The following COL4A3 variants were observed in gnomAD, a reference collection of about 807,000 sequenced individuals.
COL4A3 encodes the protein collagen type IV alpha 3 chain, also known as collagen alpha-3(IV) chain.
COL4A3 carries 135 observed loss-of-function variants against 217.4 expected under a neutral mutation model. The observed-to-expected ratio is 0.62, with a 90% confidence interval of 0.54 to 0.72. The LOEUF (loss-of-function observed/expected upper bound fraction) is 0.72, where lower values mean the gene tolerates loss of function less well. Among genes scored for constraint, COL4A3 ranks in the 30% least tolerant of loss-of-function variants. The probability of loss-of-function intolerance (pLI) is 0.00; values close to 1 mark genes in which losing one functional copy is unlikely to be tolerated. For synonymous variants in COL4A3, 690 were observed against 736.3 expected, an observed-to-expected ratio of 0.94 and a Z score of 1.02; for missense variants, 1,868 against 2,119.9, an observed-to-expected ratio of 0.88 and a Z score of 2.33.
At position 227,251,352 on chromosome 2, in the gene COL4A3, T is replaced by C. The variant is rs2069729078; in HGVS notation, c.626T>C (p.Met209Thr). 1 of 1,613,102 alleles carries C rather than the reference T, an allele frequency of 6.2e-7. No individual in the cohort carries two copies. The change falls in exon 11 of 52, where the codon ATG becomes ACG. Residue 209 changes from methionine (M) to threonine (T), a missense_variant. Physicochemically the swap from Met to Thr is moderately conservative, Grantham distance 81. Transcript: ENST00000396578. ...TTTTTCTAGGGCTTTCCAGGAGCCATGGGACCTAGAGGACCTAAGGTAGAC... is the reference window on the plus strand; with the variant it reads ...TTTTTCTAGGGCTTTCCAGGAGCCACGGGACCTAGAGGACCTAAGGTAGAC... ...PPGFFGFPGA[M>T]GPRGPKGHMG... is the part of the protein sequence containing the mutation.
intron 1 of COL4A3, among the ~76,000 whole-genome samples, chr2:227,236,663 A>ATTTTTTTTT (rs375943584): frequency 6.9e-6 from 1 of 144,658 alleles, no homozygotes. Context: ...GTCAAAACAC[A>ATTTTTTTTT]TTTTTTCTTT....
intron 1 of COL4A3, among the ~76,000 whole-genome samples, chr2:227,203,965 G>A (rs998862205): frequency 6.6e-6 from 1 of 152,088 alleles, no homozygotes; most frequent in East Asian, 1.9e-4. Context: ...ACCAGTACCA[G>A]GGCTTAATAA....
At chr2:227,286,410 G>A (rs566559192) in intron 34 of COL4A3, among the ~76,000 whole-genome samples, 3 of 152,178 alleles carry the variant, frequency 2.0e-5, no homozygotes, top group Admixed American at 1.3e-4. Context: ...CATGAGAATC[G>A]CTTGAACCTG....
chr2:227,208,586 C>G (rs535853145), intron 1 of COL4A3, among the ~76,000 whole-genome samples: 14 of 152,284 alleles, frequency 9.2e-5, no homozygotes, highest in African/African-American at 3.1e-4. Context: ...ACCCGCCAAA[C>G]TATCTTTAAA....
rs774547712 is a variant in COL4A3, at chr2:227,253,678, T to C, written c.765+40T>C. 1.9e-6 allele frequency: 3 copies of C among 1,541,988 alleles called. No homozygotes were observed. The Admixed American group carries it at 5.0e-5, about 26-fold the overall frequency. ...TTATGATTAGTGTTGTGCCTTCCCGTGTCTAGGATGAAGTCCTTGTGACCC... is the reference window on the plus strand; with the variant it reads ...TTATGATTAGTGTTGTGCCTTCCCGCGTCTAGGATGAAGTCCTTGTGACCC... On this transcript the variant is annotated intron_variant, in intron 13 of 51. Coordinates refer to ENST00000396578, the MANE Select transcript of COL4A3 (RefSeq NM_000091.5). The surrounding 1 kb of genome is among the most constrained non-coding windows in gnomAD (Gnocchi z 4.4).
At chr2:227,301,554 T>C (rs2073288023) in intron 43 of COL4A3, among the ~76,000 whole-genome samples, 1 of 152,240 alleles carries the variant, frequency 6.6e-6, no homozygotes, top group South Asian at 2.1e-4. Flanking sequence ...TCTTTGAAAG[T>C]TGCCAATTTG....
In COL4A3 at chr2:227,293,187, T is replaced by A. The variant is rs759060177; in HGVS notation, c.3211-4T>A. 3 of 1,613,932 alleles carry A rather than the reference T, an allele frequency of 1.9e-6. No individual in the cohort carries two copies. The African/African-American group carries it at 4.0e-5, about 22-fold the overall frequency. Reference sequence around the variant, plus strand: ...AATTTTAAAGGTATTTGACTACATTTAAGGGGGATCCAGGACTGCCGGGTG... The same window carrying A: ...AATTTTAAAGGTATTTGACTACATTAAAGGGGGATCCAGGACTGCCGGGTG... On this transcript the variant is annotated splice_polypyrimidine_tract_variant and splice_region_variant and intron_variant, in intron 37 of 51. Coordinates refer to ENST00000396578, the MANE Select transcript of COL4A3 (RefSeq NM_000091.5).
At chr2:227,291,060 A>G in intron 37 of COL4A3, 174 bp downstream of exon 37, 1 of 727,102 alleles carries the variant, frequency 1.4e-6, no homozygotes, top group Non-Finnish European at 2.2e-6. Flanking sequence ...CTTGTCTGTC[A>G]CAGAGCTGTC....
At chr2:227,170,470 A>G (rs765487685) in intron 1 of COL4A3, among the ~76,000 whole-genome samples, 1 of 152,142 alleles carries the variant, frequency 6.6e-6, no homozygotes, top group Non-Finnish European at 1.5e-5. Flanking sequence ...GACATCTTAC[A>G]TGGTGGCAGG....
Position 227,287,975 on chromosome 2 carries a change from G to A in COL4A3, c.2882-1175G>A, listed in dbSNP as rs763544988. Among the ~76,000 whole-genome samples, 4 of 152,348 alleles carry A rather than the reference G, an allele frequency of 2.6e-5. No homozygotes were observed. In the East Asian group the frequency reaches 7.7e-4, roughly 29 times the overall value. On this transcript the variant is annotated intron_variant, in intron 34 of 51. Coordinates refer to ENST00000396578, the MANE Select transcript of COL4A3 (RefSeq NM_000091.5). ...GAATAAGTACATATGCAGGAAAAGA[G>A]CCAAGGGAAGTGAATCTGCTTGAGA... is the stretch of plus-strand genomic sequence containing the variant.
chr2:227,204,579 C>G (rs538826452), intron 1 of COL4A3, among the ~76,000 whole-genome samples: 1 of 152,290 alleles, frequency 6.6e-6, no homozygotes, highest in South Asian at 2.1e-4. Context: ...GACAGGCTAA[C>G]AGAATTCCTT....
chr2:227,184,967 A>C (rs548056787), intron 1 of COL4A3, among the ~76,000 whole-genome samples: 3 of 134,056 alleles, frequency 2.2e-5, no homozygotes, highest in Admixed American at 8.7e-5. Context: ...AGTGGTGTGA[A>C]CTTGGCTCAC....
intron 11 of COL4A3, among the ~76,000 whole-genome samples, chr2:227,251,884 T>C (rs143098311): frequency 0.02 from 2,973 of 151,908 alleles, 88 homozygotes; most frequent in African/African-American, 0.068. Flanking sequence ...GCCTGGCCAA[T>C]GTGATGAAAT....
intron 33 of COL4A3, 76 bp from the exon 34 acceptor site, chr2:227,284,135 A>G (rs1450222338): frequency 1.3e-6 from 2 of 1,582,796 alleles, no homozygotes; most frequent in East Asian, 4.5e-5. Flanking sequence ...GTTTTATAGT[A>G]AGCACTGCCA....
At chr2:227,223,842 C>G (rs930193082) in intron 1 of COL4A3, among the ~76,000 whole-genome samples, 1 of 152,202 alleles carries the variant, frequency 6.6e-6, no homozygotes, top group African/African-American at 2.4e-5. Context: ...CAGCCCCAAT[C>G]AAAGTATTAA....
chr2:227,292,004 A>G (rs1371717223), intron 37 of COL4A3, among the ~76,000 whole-genome samples: 1 of 152,258 alleles, frequency 6.6e-6, no homozygotes, highest in Non-Finnish European at 1.5e-5. Context: ...GGGAAAATCT[A>G]TGGGATCCCA....
At chr2:227,244,611 G>A (rs1345450597) in intron 4 of COL4A3, among the ~76,000 whole-genome samples, 2 of 152,202 alleles carry the variant, frequency 1.3e-5, no homozygotes, top group Non-Finnish European at 2.9e-5. Flanking sequence ...CTGATGAGAT[G>A]ATGGTATATA....
chr2:227,280,836 C>A, intron 30 of COL4A3, 57 bp from the exon 31 acceptor site: 1 of 1,261,814 alleles, frequency 7.9e-7, no homozygotes, highest in Non-Finnish European at 1.1e-6. Flanking sequence ...ACTGGTACAG[C>A]AATACCAAGA....
intron 38 of COL4A3, chr2:227,293,770 G>C (rs1329770519): frequency 2.1e-6 from 1 of 469,810 alleles, no homozygotes. Flanking sequence ...CTGTGATCAA[G>C]CTGTCGGCAG....
Sources: gnomAD v4.1 joint callset for allele counts (sites outside exome capture counted in the v4.1 genomes callset) on GRCh38, gnomAD v4.1.1 for gene constraint, Gnocchi (gnomAD v3.1) non-coding constraint, MANE v1.5 for transcripts, NCBI Gene and HGNC (gene_info 2026-07-23, HGNC 2026-07-21) for gene names.